The following MS4A2 variants were observed in gnomAD, a reference collection of about 807,000 sequenced individuals.
MS4A2 encodes high affinity immunoglobulin epsilon receptor subunit beta.
In MS4A2, 26 loss-of-function variants were observed where a neutral mutation model predicts 27.9. The ratio of observed to expected loss-of-function variants is 0.93; its 90% CI spans 0.68 to 1.29. MS4A2 has a LOEUF of 1.29. Among genes scored for constraint, MS4A2 ranks in the 50% most tolerant of loss-of-function variants. The pLI, the probability that MS4A2 is intolerant of heterozygous loss-of-function variation, is 0.00. For missense variants in MS4A2, 284 were observed against 284.6 expected (o/e 1.00, Z 0.01); for synonymous variants, 110 against 98.8 (o/e 1.11, Z -0.67).
chr11:60,088,646 T>C (rs1855692438), upstream of MS4A2: 3 of 1,534,984 alleles, frequency 2.0e-6, no homozygotes, highest in Non-Finnish European at 1.8e-6. Context: ...ATAAAGAGAA[T>C]CATCAATGTC....
intron 3 of MS4A2, among the ~76,000 whole-genome samples, chr11:60,091,183 T>C (rs186431404): frequency 3.9e-5 from 6 of 152,088 alleles, no homozygotes; most frequent in African/African-American, 1.2e-4. Flanking sequence ...GAAAATAAAG[T>C]TGTCTTCATG....
At chr11:60,095,246 T>G (rs572084) in intron 6 of MS4A2, among the ~76,000 whole-genome samples, 17,270 of 152,032 alleles carry the variant, frequency 0.11, 1,109 homozygotes, top group South Asian at 0.16. Context: ...CTGGGTGACA[T>G]AGTGAGATTC....
intron 6 of MS4A2, among the ~76,000 whole-genome samples, chr11:60,095,012 A>C (rs1188649569): frequency 1.3e-5 from 2 of 151,994 alleles, no homozygotes; most frequent in African/African-American, 4.8e-5. Flanking sequence ...CATACTTCCC[A>C]GCACATTGGG....
rs752097585 is a variant in MS4A2 at position 60,093,558 on chromosome 11, T to A, written c.537T>A (p.Thr179=). Reference sequence around the variant, plus strand: ...AGTGCTTTATGGCTTCCTTTTCCACTGTATGTATTTTTTTTTGTGTGGGAA... The same window carrying A: ...AGTGCTTTATGGCTTCCTTTTCCACAGTATGTATTTTTTTTTGTGTGGGAA... ...ETKCFMASFS[T]EIVVMMLFLT... The change falls in exon 5 of 7, where the codon ACT becomes ACA. Residue 179 remains threonine, a splice_region_variant and synonymous_variant. Transcript: ENST00000278888. 1.2e-6 allele frequency: 2 copies of A among 1,614,064 alleles called. No individual in the cohort carries two copies. Among genetic ancestry groups the A allele is most frequent in the African/African-American group, 1.3e-5 (1 of 74,932 alleles).
chr11:60,090,938 G>A (rs1357937341), intron 3 of MS4A2, among the ~76,000 whole-genome samples: 1 of 152,132 alleles, frequency 6.6e-6, no homozygotes, highest in Non-Finnish European at 1.5e-5. Flanking sequence ...GATCACCTGA[G>A]GTCAGGAGTT....
upstream of MS4A2, chr11:60,088,576 G>A (rs116816992): frequency 2.2e-3 from 3,049 of 1,417,960 alleles, 53 homozygotes; most frequent in African/African-American, 0.039. Context: ...TTCATCACAA[G>A]TAAAAGCCTG....
intron 5 of MS4A2, 189 bp downstream of exon 5, chr11:60,093,747 G>C (rs112977961): frequency 1.1e-6 from 1 of 899,676 alleles, no homozygotes; most frequent in African/African-American, 1.7e-5. Flanking sequence ...CAAATTCCTC[G>C]GGGTTAAAGT....
intron 1 of MS4A2, among the ~76,000 whole-genome samples, chr11:60,089,236 T>A (rs1335281608): frequency 1.3e-5 from 2 of 152,224 alleles, no homozygotes; most frequent in Non-Finnish European, 2.9e-5. Flanking sequence ...TCTCTGAAGA[T>A]GAAAATAGTA....
intron 3 of MS4A2, among the ~76,000 whole-genome samples, chr11:60,091,871 C>T (rs1439611026): frequency 6.6e-6 from 1 of 152,222 alleles, no homozygotes; most frequent in Non-Finnish European, 1.5e-5. Flanking sequence ...AGGTGTCTCT[C>T]AACCCATCAA....
In MS4A2 at chr11:60,098,339, A is replaced by C. The variant is rs1184363877; in HGVS notation, c.*2683A>C. 6.6e-6 allele frequency: 1 copy of C among 152,066 alleles called. No individual in the cohort carries two copies. The highest frequency in any genetic ancestry group is 1.5e-5 in the Non-Finnish European group (1 of 68,008). 9.4% of individuals were successfully genotyped at this position (152,066 alleles called of 1,614,324 possible). A position where few individuals can be genotyped will look rare whatever the true frequency, so the allele number is the denominator to read the frequency against. On this transcript the variant is annotated 3_prime_UTR_variant, in exon 7 of 7. Transcript: ENST00000278888. ...ATGAACACCTTTTCATCCAGCCTTA[A>C]TTTCTTGCTCCATAACTACTCTATC...
intron 6 of MS4A2, among the ~76,000 whole-genome samples, chr11:60,095,193 C>T (rs1302627332): frequency 2.0e-5 from 3 of 151,726 alleles, no homozygotes; most frequent in East Asian, 1.9e-4. Flanking sequence ...ACCCGGGAGG[C>T]GGAAGTTGCA....
At chr11:60,091,216 G>A (rs1377724261) in intron 3 of MS4A2, among the ~76,000 whole-genome samples, 1 of 152,054 alleles carries the variant, frequency 6.6e-6, no homozygotes, top group Non-Finnish European at 1.5e-5. Context: ...AGAGATTGCT[G>A]GGGTGAGAAA....
chr11:60,088,627 G>T (rs935108351), upstream of MS4A2: 3 of 1,507,602 alleles, frequency 2.0e-6, no homozygotes, highest in African/African-American at 4.2e-5. Flanking sequence ...TCTGGCAAAT[G>T]ACTTATGTAT....
chr11:60,095,998 C>T lies in MS4A2; in HGVS notation c.*342C>T. 1 of 267,490 alleles carries T rather than the reference C, an allele frequency of 3.7e-6. No individual in the cohort carries two copies. Among genetic ancestry groups the T allele is most frequent in the Non-Finnish European group, 7.1e-6 (1 of 140,438 alleles). 16.6% of individuals were successfully genotyped at this position (267,490 alleles called of 1,614,324 possible). On this transcript the variant is annotated 3_prime_UTR_variant, in exon 7 of 7. Transcript: ENST00000278888. The stretch of plus-strand genomic sequence containing the variant: ...GGCTGAAAGTTGAGTTAAACTTTGA[C>T]AGTTTGATAATATTTGGTTCTTAGG...
intron 3 of MS4A2, among the ~76,000 whole-genome samples, chr11:60,091,106 G>A (rs1855751392): frequency 6.6e-6 from 1 of 152,140 alleles, no homozygotes; most frequent in Non-Finnish European, 1.5e-5. Flanking sequence ...AGCTGAGATT[G>A]TGCCATTGCA....
rs745505928 is a variant in MS4A2, at chr11:60,094,077, G to A, written c.636+15G>A. The stretch of plus-strand genomic sequence containing the variant: ...AAGGAAACAAGGTAGATAGAAGCCC[G>A]ATATAAAATCTTGAATGACAGGTTA... On this transcript the variant is annotated intron_variant, in intron 6 of 6. Coordinates refer to ENST00000278888, the MANE Select transcript of MS4A2 (RefSeq NM_000139.5). 73 of 1,563,302 alleles carry A rather than the reference G, an allele frequency of 4.7e-5. No individual in the cohort carries two copies. The highest frequency in any genetic ancestry group is 6.1e-5 in the Non-Finnish European group (69 of 1,134,084).
chr11:60,089,991 A>C (rs1325660208), intron 2 of MS4A2, among the ~76,000 whole-genome samples, 170 bp downstream of exon 2: 1 of 152,218 alleles, frequency 6.6e-6, no homozygotes, highest in African/African-American at 2.4e-5. Context: ...AGAGAGAAGC[A>C]TTTCCTCATA....
chr11:60,097,483 G>A lies in MS4A2; in HGVS notation c.*1827G>A, dbSNP rs977075266. On this transcript the variant is annotated 3_prime_UTR_variant, in exon 7 of 7. Transcript: ENST00000278888. ...AGTAAATGAATAAAACATTTGCAAA[G>A]ACCTTTAGAGAAAGAGAATGGGAGC... The A allele has an allele frequency of 3.3e-5, 5 of 152,164 alleles. No individual in the cohort carries two copies. The highest frequency in any genetic ancestry group is 5.9e-5 in the Non-Finnish European group (4 of 68,018). The allele number at this position is 152,164 out of a possible 1,614,324, so 9.4% of individuals were successfully genotyped here.
chr11:60,095,172 G>T (rs1360472740), intron 6 of MS4A2, among the ~76,000 whole-genome samples: 2 of 152,194 alleles, frequency 1.3e-5, no homozygotes, highest in East Asian at 3.8e-4. Context: ...TGAGGCAGGA[G>T]AATTGCTTGA....
Sources: allele counts gnomAD v4.1 joint callset (sites outside exome capture counted in the v4.1 genomes callset), GRCh38; gene constraint gnomAD v4.1.1; transcripts MANE v1.5; gene names NCBI Gene and HGNC (gene_info 2026-07-23, HGNC 2026-07-21).